Variants in XKR4 observed in about 807,000 individuals in gnomAD.
The protein encoded by XKR4 is XK-related protein 4.
Under a neutral mutation model 53.9 loss-of-function variants are expected in XKR4, and 12 were observed. The observed-to-expected ratio is 0.22, with a 90% CI of 0.14 to 0.36. The LOEUF (loss-of-function observed/expected upper bound fraction) is 0.36. Among genes scored for constraint, XKR4 ranks in the 10% least tolerant of loss-of-function variants. XKR4 has a pLI of 1.00. For missense variants in XKR4, 799 were observed against 859.5 expected, an observed-to-expected ratio of 0.93 and a Z score of 0.88; for synonymous variants, 354 against 362.4, an observed-to-expected ratio of 0.98 and a Z score of 0.26.
At chr8:55,428,413 G>C (rs1478923110) in intron 2 of XKR4, among the ~76,000 whole-genome samples, 2 of 152,156 alleles carry the variant, frequency 1.3e-5, no homozygotes, top group Non-Finnish European at 2.9e-5. Flanking sequence ...ATCCCAGCAA[G>C]ACAGTAGACT....
chr8:55,449,891 C>T, intron 2 of XKR4: 4 of 908,666 alleles, frequency 4.4e-6, no homozygotes, highest in African/African-American at 1.6e-5. Flanking sequence ...CTGCCGCAGG[C>T]AGCCTGGCGG....
chr8:55,438,188 G>A (rs949462502), intron 2 of XKR4, among the ~76,000 whole-genome samples: 10 of 152,068 alleles, frequency 6.6e-5, no homozygotes, highest in African/African-American at 2.2e-4. Context: ...AATTCAAAGG[G>A]GAACACCTAG....
intron 1 of XKR4, among the ~76,000 whole-genome samples, chr8:55,310,761 G>A (rs1347446560): frequency 6.6e-6 from 1 of 152,184 alleles, no homozygotes; most frequent in Admixed American, 6.6e-5. Context: ...TTTTCAGGTT[G>A]AGTTCCTCAG....
At chr8:55,124,624 A>C (rs748608070) in intron 1 of XKR4, among the ~76,000 whole-genome samples, 19 of 152,224 alleles carry the variant, frequency 1.2e-4, no homozygotes, top group Admixed American at 2.0e-4. Flanking sequence ...AGCTTTCAGC[A>C]TCTCAATAAT....
At chr8:55,310,349 T>G (rs953969968) in intron 1 of XKR4, among the ~76,000 whole-genome samples, 42 of 152,270 alleles carry the variant, frequency 2.8e-4, no homozygotes, top group African/African-American at 9.9e-4. Flanking sequence ...AGCCCCAGTT[T>G]TCTCATCTAT....
At chr8:55,336,439 T>G (rs1803463016) in intron 1 of XKR4, among the ~76,000 whole-genome samples, 1 of 152,172 alleles carries the variant, frequency 6.6e-6, no homozygotes, top group African/African-American at 2.4e-5. Flanking sequence ...GAAAACAGAC[T>G]AATACACTGG....
At chr8:55,294,218 C>T (rs762800767) in intron 1 of XKR4, among the ~76,000 whole-genome samples, 1 of 152,144 alleles carries the variant, frequency 6.6e-6, no homozygotes, top group Non-Finnish European at 1.5e-5. Flanking sequence ...CCCTCCCAAG[C>T]CCTCTCTATC....
chr8:55,336,607 C>A (rs573426705), intron 1 of XKR4, among the ~76,000 whole-genome samples: 2 of 151,968 alleles, frequency 1.3e-5, no homozygotes, highest in South Asian at 4.2e-4. Context: ...TTTTCAATTT[C>A]TATGTAAGCC....
At chr8:55,485,465 A>T (rs2929022) in intron 2 of XKR4, among the ~76,000 whole-genome samples, 59,990 of 152,086 alleles carry the variant, frequency 0.39, 12,768 homozygotes, top group East Asian at 0.53. Context: ...ACTTGTTATC[A>T]ATAAACATAT....
At chr8:55,112,692 T>C (rs995963823) in intron 1 of XKR4, among the ~76,000 whole-genome samples, 4 of 149,938 alleles carry the variant, frequency 2.7e-5, no homozygotes, top group African/African-American at 9.8e-5. Flanking sequence ...GCATAGTCAC[T>C]GTATCAGTGT....
At chr8:55,164,449 A>G (rs1298099836) in intron 1 of XKR4, 1 of 456,314 alleles carries the variant, frequency 2.2e-6, no homozygotes, top group East Asian at 6.9e-5. Context: ...CCTTGAGGAC[A>G]GAGCTGGAAG....
rs144149442 is a variant in XKR4 at position 55,134,107 on chromosome 8, A to G, written c.806+30813A>G. 2.5e-3 allele frequency among the ~76,000 whole-genome samples: 381 copies of G among 152,368 alleles called. 2 individuals carry two copies. Among genetic ancestry groups the G allele is most frequent in the African/African-American group, 8.6e-3 (356 of 41,586 alleles). On this transcript the variant is annotated intron_variant, in intron 1 of 2. Coordinates refer to ENST00000327381, the MANE Select transcript of XKR4 (RefSeq NM_052898.2). ...TGTTTATAACAGCTAATTACAGAAA[A>G]TAATCATGTCCTCACAATGCTAAAT...
intron 2 of XKR4, among the ~76,000 whole-genome samples, chr8:55,381,506 G>A (rs1468072060): frequency 1.3e-5 from 2 of 152,178 alleles, no homozygotes; most frequent in Admixed American, 1.3e-4. Flanking sequence ...TGCAAGTCCT[G>A]GAGTTGAAAG....
chr8:55,315,021 G>A (rs564615784), intron 1 of XKR4, among the ~76,000 whole-genome samples: 30 of 152,212 alleles, frequency 2.0e-4, no homozygotes, highest in Non-Finnish European at 3.4e-4. Flanking sequence ...GTGATTTCAC[G>A]GTGTCATTTT....
intron 2 of XKR4, among the ~76,000 whole-genome samples, chr8:55,493,280 C>G (rs2129402443): frequency 6.6e-6 from 1 of 152,244 alleles, no homozygotes; most frequent in South Asian, 2.1e-4. Flanking sequence ...CATCTAATTC[C>G]TCATTTCTCT....
At chr8:55,298,039 G>C (rs1177658591) in intron 1 of XKR4, among the ~76,000 whole-genome samples, 1 of 152,080 alleles carries the variant, frequency 6.6e-6, no homozygotes, top group East Asian at 1.9e-4. Flanking sequence ...TACATTTACA[G>C]TCGATTTTTC....
chr8:55,373,366 C>T (rs1489429838), intron 2 of XKR4, among the ~76,000 whole-genome samples: 1 of 152,132 alleles, frequency 6.6e-6, no homozygotes, highest in Non-Finnish European at 1.5e-5. Context: ...GGGGTTTCAC[C>T]ATGTTGGCCA....
chr8:55,449,887 CA>C, intron 2 of XKR4: 2 of 914,852 alleles, frequency 2.2e-6, no homozygotes, highest in Non-Finnish European at 3.6e-6. Context: ...GGTGCTGCCG[CA>C]GGCAGCCTGG....
At chr8:55,242,243 C>A (rs544013974) in intron 1 of XKR4, among the ~76,000 whole-genome samples, 1 of 152,212 alleles carries the variant, frequency 6.6e-6, no homozygotes, top group Non-Finnish European at 1.5e-5. Flanking sequence ...TCAGAGACAC[C>A]ACTTTGGAGT....
Sources: allele counts gnomAD v4.1 joint callset (sites outside exome capture counted in the v4.1 genomes callset), GRCh38; gene constraint gnomAD v4.1.1; transcripts MANE v1.5; gene names NCBI Gene and HGNC (gene_info 2026-07-23, HGNC 2026-07-21).